ATG2B: variants seen among roughly 807,000 people sequenced by gnomAD.
ATG2B encodes the protein autophagy related 2B, also known as autophagy-related protein 2 homolog B.
ATG2B carries 121 observed loss-of-function variants against 241.3 expected under a neutral mutation model. That is an observed-to-expected ratio of 0.50 (90% CI 0.43 to 0.58). ATG2B has a LOEUF of 0.58. Ranked by LOEUF, ATG2B falls within the 20% of genes least tolerant of loss-of-function variation. ATG2B has a pLI of 0.00. For missense variants in ATG2B, 2,306 were observed against 2,491.6 expected (o/e 0.93, Z 1.59); for synonymous variants, 858 against 876.6 (o/e 0.98, Z 0.37).
Position 96,353,642 on chromosome 14 carries a change from T to TTTTA in ATG2B, c.163-6302_163-6301insTAAA, listed in dbSNP as rs564723068. Among the ~76,000 whole-genome samples, 15 of 126,750 alleles carry TTTTA rather than the reference T, an allele frequency of 1.2e-4. No homozygotes were observed. In the Admixed American group the frequency reaches 1.3e-3, roughly 11 times the overall value. The allele number at this position is 126,750 out of a possible 152,430, so 83.2% of individuals were successfully genotyped here. A position where few individuals can be genotyped will look rare whatever the true frequency, so the allele number is the denominator to read the frequency against. On this transcript the variant is annotated intron_variant, in intron 1 of 41. Coordinates refer to ENST00000359933, the MANE Select transcript of ATG2B (RefSeq NM_018036.7). ...ATCTGTCTCAAAAAAATTTCATATT[T>TTTTA]TATATATATATATATATAAATCATT...
At chr14:96,319,161 G>C (rs1887394972) in intron 18 of ATG2B, among the ~76,000 whole-genome samples, 1 of 152,200 alleles carries the variant, frequency 6.6e-6, no homozygotes, top group Non-Finnish European at 1.5e-5. Context: ...AGTCCTAGAA[G>C]GTGTACACCA....
Position 96,289,508 on chromosome 14 carries a change from CAG to C in ATG2B, c.6006+146_6006+147del. 1 of 920,392 alleles carries C rather than the reference CAG, an allele frequency of 1.1e-6. No homozygotes were observed. Among genetic ancestry groups the C allele is most frequent in the South Asian group, 1.7e-5 (1 of 57,372 alleles). The allele number at this position is 920,392 out of a possible 1,614,324, so 57.0% of individuals were successfully genotyped here. On this transcript the variant is annotated intron_variant, in intron 41 of 41. Coordinates refer to ENST00000359933, the MANE Select transcript of ATG2B (RefSeq NM_018036.7). This position sits in a 1 kb window ranked among gnomAD's most constrained non-coding sequence, Gnocchi z 4.3. Reference sequence around the variant, plus strand: ...ACTGGCCCTTTTCCATCACCTCACACAGATATGGGCACATGTTATTAGTGGCA... The same window carrying C: ...ACTGGCCCTTTTCCATCACCTCACACATATGGGCACATGTTATTAGTGGCA...
At chr14:96,303,979 C>T (rs1401430341) in intron 32 of ATG2B, among the ~76,000 whole-genome samples, 1 of 152,210 alleles carries the variant, frequency 6.6e-6, no homozygotes, top group Non-Finnish European at 1.5e-5. Context: ...TACAATATTG[C>T]CATGCTAACT....
chr14:96,333,013 G>T (rs1887781435), intron 8 of ATG2B, among the ~76,000 whole-genome samples: 1 of 152,086 alleles, frequency 6.6e-6, no homozygotes, highest in East Asian at 1.9e-4. Flanking sequence ...GTTTCATCTG[G>T]ATACAGTTAT....
chr14:96,313,211 T>C (rs945626852), intron 24 of ATG2B, 54 bp from the exon 25 acceptor site: 3 of 1,433,428 alleles, frequency 2.1e-6, no homozygotes, highest in African/African-American at 1.4e-5. Context: ...CCAGAAACTC[T>C]ATTAAAAACA....
rs192962686 is a variant in ATG2B, at chr14:96,311,303, A to G, written c.3991-16T>C. The G allele has an allele frequency of 7.7e-4, 1,223 of 1,586,574 alleles. 11 individuals carry two copies. In the African/African-American group the frequency reaches 0.014, roughly 18 times the overall value. Reference sequence around the variant, plus strand: ...GGGGCTCAGTCTGGACAAGACACAGAAAAAGGGATGAAAATGTTTTCCAAA... The same window carrying G: ...GGGGCTCAGTCTGGACAAGACACAGGAAAAGGGATGAAAATGTTTTCCAAA... On this transcript the variant is annotated splice_polypyrimidine_tract_variant and intron_variant, in intron 27 of 41. Transcript: ENST00000359933.
chr14:96,321,918 G>A lies in ATG2B; in HGVS notation c.2879+194C>T, dbSNP rs75505660. On this transcript the variant is annotated intron_variant, in intron 18 of 41. Transcript: ENST00000359933. Reference sequence around the variant, plus strand: ...GAGGAAATAAATATCTCACACACCCGGCACCACGCTAGTTAGGAAACTCTG... The same window carrying A: ...GAGGAAATAAATATCTCACACACCCAGCACCACGCTAGTTAGGAAACTCTG... 2.8e-3 allele frequency among the ~76,000 whole-genome samples: 424 copies of A among 152,108 alleles called. 9 individuals are homozygous for A. The highest frequency in any genetic ancestry group is 0.024 in the East Asian group (125 of 5,174).
chr14:96,334,935 TA>T (rs1887830975), intron 6 of ATG2B, among the ~76,000 whole-genome samples: 1 of 152,176 alleles, frequency 6.6e-6, no homozygotes, highest in Non-Finnish European at 1.5e-5. Context: ...CTACCAATCA[TA>T]CTCTAGCAGA....
chr14:96,359,377 C>CA lies in ATG2B; in HGVS notation c.162+3437dup, dbSNP rs1029432941. Among the ~76,000 whole-genome samples the CA allele has an allele frequency of 3.9e-3, 541 of 138,582 alleles. 3 individuals carry two copies. The highest frequency in any genetic ancestry group is 0.028 in the Middle Eastern group (7 of 246). The allele number at this position is 138,582 out of a possible 152,430, so 90.9% of individuals were successfully genotyped here. A position where few individuals can be genotyped will look rare whatever the true frequency, so the allele number is the denominator to read the frequency against. On this transcript the variant is annotated intron_variant, in intron 1 of 41. Coordinates refer to ENST00000359933, the MANE Select transcript of ATG2B (RefSeq NM_018036.7). ...TGGGTGACAGAGTGAGACCCTGTCT[C>CA]AAAAAAAAAATAAAATAAAAGGCCT...
intron 1 of ATG2B, among the ~76,000 whole-genome samples, chr14:96,361,335 G>A (rs1208664802): frequency 6.6e-6 from 1 of 152,138 alleles, no homozygotes; most frequent in Non-Finnish European, 1.5e-5. Context: ...TAGGCCATGT[G>A]ATGTAATACT....
intron 1 of ATG2B, among the ~76,000 whole-genome samples, chr14:96,352,344 T>C (rs991459994): frequency 6.6e-6 from 1 of 152,008 alleles, no homozygotes; most frequent in Non-Finnish European, 1.5e-5. Flanking sequence ...ACCTATACTA[T>C]ACAATTTAAT....
At chr14:96,330,148 G>C (rs556985610) in intron 11 of ATG2B, among the ~76,000 whole-genome samples, 1 of 150,872 alleles carries the variant, frequency 6.6e-6, no homozygotes, top group Non-Finnish European at 1.5e-5. Flanking sequence ...TCAGGACTTC[G>C]AGACCAGCCT....
chr14:96,307,072 A>C (rs903919274), intron 29 of ATG2B, among the ~76,000 whole-genome samples, 156 bp from the exon 30 acceptor site: 9 of 150,378 alleles, frequency 6.0e-5, no homozygotes, highest in Non-Finnish European at 8.9e-5. Context: ...AAGAGAGCTA[A>C]GTAACATGCA....
chr14:96,334,508 G>GA lies in ATG2B; in HGVS notation c.925-8_925-7insT. On this transcript the variant is annotated splice_region_variant and splice_polypyrimidine_tract_variant and intron_variant, in intron 6 of 41. Coordinates refer to ENST00000359933, the MANE Select transcript of ATG2B (RefSeq NM_018036.7). ...TCTGTCCATCAACATCCAACTTAAG[G>GA]GAAAAAAAAAAACTATTCATGAGGA... is the stretch of plus-strand genomic sequence containing the variant. 1 of 1,539,770 alleles carries GA rather than the reference G, an allele frequency of 6.5e-7. No homozygotes were observed. The highest frequency in any genetic ancestry group is 8.8e-7 in the Non-Finnish European group (1 of 1,134,282).
intron 6 of ATG2B, among the ~76,000 whole-genome samples, chr14:96,341,077 A>T (rs895688828): frequency 6.6e-6 from 1 of 152,160 alleles, no homozygotes; most frequent in African/African-American, 2.4e-5. Context: ...TTCAAAATAG[A>T]TGGGTAGATA....
At position 96,362,853 on chromosome 14, in the gene ATG2B, C is replaced by G; in HGVS notation, c.124G>C (p.Gly42Arg). ...GGGACCTGGGCGAGGGACCCGGTGC[C>G]TTGGTACAGGTCCAGGCTGAGCTGC... ...LEQLSLDLYQ[G>R]TGSLAQVPLD... The change falls in exon 1 of 42, where the codon GGC becomes CGC. Residue 42 changes from glycine (G) to arginine (R), a missense_variant. Around this residue, in one of 2 missense-constraint regions of ATG2B, gnomAD observed 1,927 missense variants for 2,011.2 expected, o/e 0.96. Coordinates refer to ENST00000359933, the MANE Select transcript of ATG2B (RefSeq NM_018036.7). 1 of 1,612,380 alleles carries G rather than the reference C, an allele frequency of 6.2e-7. No homozygotes were observed. Among genetic ancestry groups the G allele is most frequent in the Non-Finnish European group, 8.5e-7 (1 of 1,179,330 alleles).
chr14:96,350,824 T>C (rs1328900901), intron 1 of ATG2B, among the ~76,000 whole-genome samples: 1 of 152,176 alleles, frequency 6.6e-6, no homozygotes, highest in Non-Finnish European at 1.5e-5. Flanking sequence ...GGTTTTAAGG[T>C]ATAAGCATCC....
intron 36 of ATG2B, among the ~76,000 whole-genome samples, chr14:96,294,226 G>A (rs7158298): frequency 0.33 from 49,687 of 152,074 alleles, 9,224 homozygotes; most frequent in Non-Finnish European, 0.42. Flanking sequence ...TCAGCAACCC[G>A]GGACATATGA....
chr14:96,317,608 A>G, intron 19 of ATG2B, 90 bp downstream of exon 19: 2 of 1,147,146 alleles, frequency 1.7e-6, no homozygotes, highest in Non-Finnish European at 2.4e-6. Flanking sequence ...AATGAAACAT[A>G]AAGATTTTTA....
Sources: gnomAD v4.1 joint callset for allele counts (sites outside exome capture counted in the v4.1 genomes callset) on GRCh38, gnomAD v4.1.1 for gene constraint, gnomAD v4.1.1 regional missense constraint, Gnocchi (gnomAD v3.1) non-coding constraint, MANE v1.5 for transcripts, NCBI Gene and HGNC (gene_info 2026-07-23, HGNC 2026-07-21) for gene names.